Variants in SKIC2 observed in about 807,000 individuals in gnomAD.
SKIC2 encodes SKI2 subunit of superkiller complex.
chr6:31,968,715 A>G, the SKIC2 span: 1 of 1,612,900 alleles, frequency 6.2e-7, no homozygotes. This position sits in a 1 kb window ranked among gnomAD's most constrained non-coding sequence, Gnocchi z 6.1. Context: ...GAATGCAGAT[A>G]CAGAAGGAGA....
the SKIC2 span, chr6:31,967,308 T>TTGAG: frequency 6.2e-7 from 1 of 1,612,990 alleles, no homozygotes; most frequent in Non-Finnish European, 8.5e-7. The surrounding 1 kb of genome is among the most constrained non-coding windows in gnomAD (Gnocchi z 4.9). Context: ...GGCTGAAGTC[T>TTGAG]CTCTCAGCAG....
At chr6:31,968,896 A>G in the SKIC2 span, 5 of 1,612,850 alleles carry the variant, frequency 3.1e-6, no homozygotes, top group Non-Finnish European at 4.2e-6. This position sits in a 1 kb window ranked among gnomAD's most constrained non-coding sequence, Gnocchi z 6.1. Flanking sequence ...GGTTATGTGG[A>G]CGAGGCGGGC....
At chr6:31,967,168 T>C in the SKIC2 span, 1 of 1,606,602 alleles carries the variant, frequency 6.2e-7, no homozygotes, top group Non-Finnish European at 8.5e-7. The surrounding 1 kb of genome is among the most constrained non-coding windows in gnomAD (Gnocchi z 4.9). Flanking sequence ...GCTGAGGAGG[T>C]GATAGGAGAA....
the SKIC2 span, chr6:31,961,768 TCCATC>T: frequency 6.4e-7 from 1 of 1,553,842 alleles, no homozygotes; most frequent in Non-Finnish European, 8.8e-7. Context: ...AGAGGTCAGA[TCCATC>T]CCAGGCCAGT....
the SKIC2 span, among the ~76,000 whole-genome samples, chr6:31,964,904 G>A: frequency 3.9e-5 from 6 of 152,172 alleles, no homozygotes; most frequent in Non-Finnish European, 8.8e-5. The surrounding 1 kb of genome is among the most constrained non-coding windows in gnomAD (Gnocchi z 5.0). Flanking sequence ...TGGATCACAA[G>A]GTCAAGAGAT....
At chr6:31,962,715 T>TC in the SKIC2 span, 1 of 1,612,716 alleles carries the variant, frequency 6.2e-7, no homozygotes, top group Non-Finnish European at 8.5e-7. The surrounding 1 kb of genome is among the most constrained non-coding windows in gnomAD (Gnocchi z 5.0). Context: ...TCTCCCCAGC[T>TC]CCATGCTGTA....
chr6:31,969,273 C>T, the SKIC2 span: 1 of 1,614,012 alleles, frequency 6.2e-7, no homozygotes, highest in Non-Finnish European at 8.5e-7. The surrounding 1 kb of genome is among the most constrained non-coding windows in gnomAD (Gnocchi z 6.1). Context: ...CTCCTTCTTT[C>T]CTGCAGGGAA....
At chr6:31,961,176 C>T in the SKIC2 span, 1 of 1,613,582 alleles carries the variant, frequency 6.2e-7, no homozygotes, top group Non-Finnish European at 8.5e-7. Flanking sequence ...CAAGGTTGAC[C>T]TTGTTGGCTT....
At chr6:31,968,891 T>G in the SKIC2 span, 2 of 1,612,622 alleles carry the variant, frequency 1.2e-6, no homozygotes, top group Non-Finnish European at 8.5e-7. This position sits in a 1 kb window ranked among gnomAD's most constrained non-coding sequence, Gnocchi z 6.1. Flanking sequence ...CCCTGGGTTA[T>G]GTGGACGAGG....
At chr6:31,960,397 C>T in the SKIC2 span, 1 of 1,596,738 alleles carries the variant, frequency 6.3e-7, no homozygotes, top group Non-Finnish European at 8.6e-7. Context: ...CAGAGACAAG[C>T]TCAGCCTCAT....
chr6:31,967,792 C>G, the SKIC2 span: 2 of 1,613,018 alleles, frequency 1.2e-6, no homozygotes, highest in African/African-American at 1.3e-5. This position sits in a 1 kb window ranked among gnomAD's most constrained non-coding sequence, Gnocchi z 4.9. Flanking sequence ...ACCCACAGGA[C>G]AGGGGGCCAG....
At chr6:31,962,771 T>C in the SKIC2 span, 3 of 1,612,416 alleles carry the variant, frequency 1.9e-6, no homozygotes, top group Non-Finnish European at 2.5e-6. This position sits in a 1 kb window ranked among gnomAD's most constrained non-coding sequence, Gnocchi z 5.0. Flanking sequence ...TCATCTTTGA[T>C]GAGGTTCACT....
the SKIC2 span, chr6:31,963,571 G>C: frequency 6.4e-7 from 1 of 1,557,268 alleles, no homozygotes; most frequent in Admixed American, 2.0e-5. The surrounding 1 kb of genome is among the most constrained non-coding windows in gnomAD (Gnocchi z 5.3). Context: ...TAAGCCTCGA[G>C]ATGGGGGAAA....
At chr6:31,965,482 A>G in the SKIC2 span, among the ~76,000 whole-genome samples, 1 of 152,160 alleles carries the variant, frequency 6.6e-6, no homozygotes, top group African/African-American at 2.4e-5. This position sits in a 1 kb window ranked among gnomAD's most constrained non-coding sequence, Gnocchi z 5.6. Flanking sequence ...AAAAGAAGAC[A>G]TGTTCTATAA....
the SKIC2 span, chr6:31,966,619 G>T: frequency 1.4e-6 from 2 of 1,396,638 alleles, no homozygotes; most frequent in Non-Finnish European, 1.0e-6. This position sits in a 1 kb window ranked among gnomAD's most constrained non-coding sequence, Gnocchi z 5.9. Context: ...GCTAGGACCG[G>T]ATCTGACGGG....
chr6:31,962,439 C>T, the SKIC2 span: 2 of 1,614,072 alleles, frequency 1.2e-6, no homozygotes, highest in Non-Finnish European at 1.7e-6. This position sits in a 1 kb window ranked among gnomAD's most constrained non-coding sequence, Gnocchi z 5.0. Context: ...CTCTTCCCAG[C>T]ACCATCTACA....
the SKIC2 span, chr6:31,967,218 T>G: frequency 6.2e-7 from 1 of 1,608,696 alleles, no homozygotes; most frequent in Non-Finnish European, 8.5e-7. This position sits in a 1 kb window ranked among gnomAD's most constrained non-coding sequence, Gnocchi z 4.9. Flanking sequence ...CTACTAAACT[T>G]AGTCCAAGTG....
At chr6:31,962,101 T>C in the SKIC2 span, 31 of 1,596,010 alleles carry the variant, frequency 1.9e-5, no homozygotes, top group Non-Finnish European at 2.6e-5. This position sits in a 1 kb window ranked among gnomAD's most constrained non-coding sequence, Gnocchi z 5.0. Flanking sequence ...CAGCCCCATT[T>C]TCTCCTGCAT....
the SKIC2 span, chr6:31,960,471 T>A: frequency 6.2e-7 from 1 of 1,614,152 alleles, no homozygotes. Context: ...TACAACCTCC[T>A]TGTCTCTTCG....
Sources: gnomAD v4.1 joint callset for allele counts (sites outside exome capture counted in the v4.1 genomes callset) on GRCh38, gnomAD v4.1.1 for gene constraint, Gnocchi (gnomAD v3.1) non-coding constraint, MANE v1.5 for transcripts, NCBI Gene and HGNC (gene_info 2026-07-23, HGNC 2026-07-21) for gene names.